The following TMEM196 variants were observed in gnomAD, a reference collection of about 807,000 sequenced individuals.
The protein encoded by TMEM196 is transmembrane protein 196.
In TMEM196, 17 loss-of-function variants were observed where a neutral mutation model predicts 20.0. The ratio of observed to expected loss-of-function variants is 0.85; its 90% CI spans 0.58 to 1.27. The LOEUF is 1.27. Among genes scored for constraint, TMEM196 ranks in the 50% most tolerant of loss-of-function variants. The pLI, the probability that TMEM196 is intolerant of heterozygous loss-of-function variation, is 0.00. For missense variants in TMEM196, 267 were observed against 223.0 expected (o/e 1.20, Z -1.26); for synonymous variants, 113 against 88.9 (o/e 1.27, Z -1.52).
At chr7:19,728,043 T>C (rs1034246318) in intron 2 of TMEM196, among the ~76,000 whole-genome samples, 1 of 152,076 alleles carries the variant, frequency 6.6e-6, no homozygotes, top group Non-Finnish European at 1.5e-5. Flanking sequence ...ACCTGGGCGG[T>C]AGTTTCTTAA....
chr7:19,735,620 A>G (rs894025245), intron 1 of TMEM196, among the ~76,000 whole-genome samples: 3 of 152,160 alleles, frequency 2.0e-5, no homozygotes, highest in African/African-American at 7.2e-5. Flanking sequence ...ATGTAATGGA[A>G]AATTTTGGAA....
At chr7:19,766,165 A>G (rs1249693523) in intron 1 of TMEM196, among the ~76,000 whole-genome samples, 1 of 152,176 alleles carries the variant, frequency 6.6e-6, no homozygotes, top group Non-Finnish European at 1.5e-5. Context: ...AAACTTTTCC[A>G]CTGATACCGT....
intron 1 of TMEM196, among the ~76,000 whole-genome samples, chr7:19,744,777 CA>C (rs1265348150): frequency 6.6e-6 from 1 of 151,906 alleles, no homozygotes; most frequent in Non-Finnish European, 1.5e-5. Flanking sequence ...TTACTTTTTT[CA>C]AAAGTTTGTA....
At chr7:19,742,003 TTCAATC>T (rs1784596138) in intron 1 of TMEM196, among the ~76,000 whole-genome samples, 1 of 152,132 alleles carries the variant, frequency 6.6e-6, no homozygotes, top group Admixed American at 6.5e-5. Flanking sequence ...GTGATTGTAG[TTCAATC>T]TCCTCTTTAG....
intron 1 of TMEM196, among the ~76,000 whole-genome samples, chr7:19,736,277 TG>T (rs1360234029): frequency 6.7e-6 from 1 of 149,500 alleles, no homozygotes; most frequent in Admixed American, 6.7e-5. Flanking sequence ...CATCATATCC[TG>T]GCTCAACTCA....
intron 1 of TMEM196, among the ~76,000 whole-genome samples, chr7:19,766,919 C>A (rs913344861): frequency 6.6e-6 from 1 of 152,000 alleles, no homozygotes; most frequent in African/African-American, 2.4e-5. Context: ...AATACAGAGA[C>A]CGAACTAAGA....
intron 1 of TMEM196, among the ~76,000 whole-genome samples, chr7:19,770,984 G>A (rs1023340541): frequency 7.2e-5 from 11 of 151,918 alleles, no homozygotes; most frequent in Non-Finnish European, 1.5e-4. Context: ...AGTATTTAAG[G>A]CTTCTCCCCA....
intron 1 of TMEM196, among the ~76,000 whole-genome samples, chr7:19,748,255 T>TG (rs1232007296): frequency 1.1e-5 from 1 of 94,578 alleles, no homozygotes; most frequent in Non-Finnish European, 1.8e-5. Flanking sequence ...ATGTTCACTG[T>TG]GGCTGTCCAA....
At chr7:19,735,728 GA>G (rs1235491650) in intron 1 of TMEM196, among the ~76,000 whole-genome samples, 1 of 152,094 alleles carries the variant, frequency 6.6e-6, no homozygotes, top group African/African-American at 2.4e-5. Flanking sequence ...GAACTGATAG[GA>G]TTATAAAAGA....
chr7:19,734,983 G>C (rs982040361), intron 1 of TMEM196, among the ~76,000 whole-genome samples: 1 of 152,058 alleles, frequency 6.6e-6, no homozygotes. Context: ...TGGAAAATAC[G>C]TTATTGAAAA....
At chr7:19,753,427 T>C (rs1231252772) in intron 1 of TMEM196, among the ~76,000 whole-genome samples, 2 of 152,314 alleles carry the variant, frequency 1.3e-5, no homozygotes, top group East Asian at 3.9e-4. Context: ...CACATGTTCA[T>C]TCTCTTTAAC....
At chr7:19,772,339 GAAACAAAACAAAACA>G (rs3030522) in intron 1 of TMEM196, among the ~76,000 whole-genome samples, 196 bp downstream of exon 1, 1 of 138,442 alleles carries the variant, frequency 7.2e-6, no homozygotes, top group African/African-American at 2.7e-5. Context: ...GCCCAAGTAA[GAAACAAAACAAAACA>G]AAACAAAACA....
intron 1 of TMEM196, among the ~76,000 whole-genome samples, chr7:19,758,161 C>T (rs1386938423): frequency 1.3e-5 from 2 of 151,902 alleles, no homozygotes; most frequent in East Asian, 3.8e-4. Flanking sequence ...TTAAAAAAAC[C>T]TTCTTGAAGG....
intron 1 of TMEM196, among the ~76,000 whole-genome samples, chr7:19,771,625 A>G (rs1390688407): frequency 6.6e-6 from 1 of 152,248 alleles, no homozygotes; most frequent in Admixed American, 6.5e-5. Flanking sequence ...CTAGGCATCC[A>G]GAAGTATATG....
chr7:19,773,438 T>G lies in TMEM196; in HGVS notation c.-742A>C, dbSNP rs1433764207. 1 of 167,652 alleles carries G rather than the reference T, an allele frequency of 6.0e-6. No homozygotes were observed. 10.4% of individuals were successfully genotyped at this position (167,652 alleles called of 1,614,324 possible). A position where few individuals can be genotyped will look rare whatever the true frequency, so the allele number is the denominator to read the frequency against. ...TTCTCTTTCATTGCTATGACCTCAT[T>G]GGGGTTTAGGAGGTTGACGGAGGAG... On this transcript the variant is annotated 5_prime_UTR_variant, in exon 1 of 5. Transcript: ENST00000405844.
intron 1 of TMEM196, among the ~76,000 whole-genome samples, chr7:19,750,723 C>T (rs1302408191): frequency 6.6e-5 from 10 of 152,070 alleles, no homozygotes. Flanking sequence ...GCAGTTCTAT[C>T]CTTTTACAGA....
At chr7:19,726,774 A>G (rs1280602544) in intron 2 of TMEM196, among the ~76,000 whole-genome samples, 1 of 152,092 alleles carries the variant, frequency 6.6e-6, no homozygotes, top group Non-Finnish European at 1.5e-5. Flanking sequence ...TTCTTTTTGC[A>G]TCTGGTCTAA....
intron 1 of TMEM196, among the ~76,000 whole-genome samples, chr7:19,731,725 C>G (rs1359647618): frequency 6.6e-6 from 1 of 152,130 alleles, no homozygotes; most frequent in African/African-American, 2.4e-5. Context: ...GTTAGAACAT[C>G]TAGGTGGCAA....
intron 2 of TMEM196, among the ~76,000 whole-genome samples, chr7:19,729,033 C>G (rs1784098006): frequency 6.6e-6 from 1 of 152,280 alleles, no homozygotes; most frequent in Middle Eastern, 3.4e-3. Context: ...TTCTCATGGG[C>G]TGAAGCTTTA....
Sources: gnomAD v4.1 joint callset for allele counts (sites outside exome capture counted in the v4.1 genomes callset) on GRCh38, gnomAD v4.1.1 for gene constraint, MANE v1.5 for transcripts, NCBI Gene and HGNC (gene_info 2026-07-23, HGNC 2026-07-21) for gene names.